Variants in PIEZO1 observed in about 807,000 individuals in gnomAD.
The protein encoded by PIEZO1 is piezo-type mechanosensitive ion channel component 1.
In PIEZO1, 296 loss-of-function variants were observed where a neutral mutation model predicts 297.2. The ratio of observed to expected loss-of-function variants is 1.00; its 90% confidence interval spans 0.91 to 1.10. PIEZO1 has a LOEUF of 1.10. Among genes scored for constraint, PIEZO1 ranks in the 50% least tolerant of loss-of-function variants. The probability of loss-of-function intolerance (pLI) is 0.00; values close to 1 mark genes in which losing one functional copy is unlikely to be tolerated. For synonymous variants in PIEZO1, 2,427 were observed against 1,507.5 expected, an observed-to-expected ratio of 1.61 and a Z score of -14.13; for missense variants, 5,018 against 3,455.5, an observed-to-expected ratio of 1.45 and a Z score of -11.34.
At chr16:88,750,959 G>A (rs1906360372) in intron 1 of PIEZO1, among the ~76,000 whole-genome samples, 1 of 152,088 alleles carries the variant, frequency 6.6e-6, no homozygotes, top group Non-Finnish European at 1.5e-5. Flanking sequence ...GAGACCCCTG[G>A]CTGCTGCTCC....
chr16:88,721,785 C>T, intron 37 of PIEZO1, 23 bp downstream of exon 37: 3 of 1,537,978 alleles, frequency 2.0e-6, no homozygotes, highest in South Asian at 1.2e-5. Context: ...CCGGGCGCCC[C>T]CTCCCCCGCG....
At chr16:88,724,230 G>C (rs185251142) in intron 30 of PIEZO1, among the ~76,000 whole-genome samples, 67 of 152,328 alleles carry the variant, frequency 4.4e-4, no homozygotes, top group South Asian at 1.0e-3. Context: ...GGCTGTGTGA[G>C]AGTTAGAAAA....
Position 88,736,339 on chromosome 16 carries a change from C to T in PIEZO1, c.1366G>A (p.Val456Met). The T allele has an allele frequency of 6.5e-7, 1 of 1,550,166 alleles. No homozygotes were observed. Among genetic ancestry groups the T allele is most frequent in the Non-Finnish European group, 8.7e-7 (1 of 1,146,862 alleles). The change falls in exon 12 of 51, where the codon GTG becomes ATG. Residue 456 changes from valine (V) to methionine (M), a missense_variant. Physicochemically the swap from Val to Met is conservative, Grantham distance 21. Coordinates refer to ENST00000301015, the MANE Select transcript of PIEZO1 (RefSeq NM_001142864.4). ...ATGGCCAGTTGGTGGCGGCTGCGCA[C>T]CGTCCAGATGAGGCAGGCCCAGAGC... is the stretch of plus-strand genomic sequence containing the variant. ...LLLWACLIWT[V>M]RSRHQLAMLC...
At chr16:88,716,521 T>C (rs1912046197) in intron 47 of PIEZO1, 38 bp from the exon 48 acceptor site, 1 of 1,537,390 alleles carries the variant, frequency 6.5e-7, no homozygotes, top group Non-Finnish European at 8.8e-7. Context: ...CTGTAGTGGG[T>C]CCACCCACCC....
rs1905102320 is a variant in PIEZO1 at position 88,734,909 on chromosome 16, A to G, written c.1814T>C (p.Met605Thr). 8 of 1,550,270 alleles carry G rather than the reference A, an allele frequency of 5.2e-6. No homozygotes were observed. The highest frequency in any genetic ancestry group is 5.2e-6 in the Non-Finnish European group (6 of 1,146,962). Reference protein sequence around the residue: ...GRLVVYKIVYMFLFLLCLTLF... With the variant: ...GRLVVYKIVYTFLFLLCLTLF... ...GGTGAGGCAGAGCAGGAAGAGGAAC[A>G]TGTAGACAATCTTGTAGACCACGAG... The change falls in exon 14 of 51, where the codon ATG (methionine) becomes ACG (threonine). Residue 605 changes from methionine (M) to threonine (T), a missense_variant. Transcript: ENST00000301015.
At chr16:88,751,060 A>G (rs1906364438) in intron 1 of PIEZO1, among the ~76,000 whole-genome samples, 1 of 151,950 alleles carries the variant, frequency 6.6e-6, no homozygotes, top group African/African-American at 2.4e-5. Context: ...GCGTGCCACC[A>G]TCTGCCCCAT....
Position 88,725,598 on chromosome 16 carries a change from C to T in PIEZO1, c.4055G>A (p.Arg1352Lys). 6.5e-7 allele frequency: 1 copy of T among 1,547,708 alleles called. No homozygotes were observed. The highest frequency in any genetic ancestry group is 1.4e-5 in the African/African-American group (1 of 73,098). The change falls in exon 28 of 51, where the codon AGA (arginine) becomes AAA (lysine). Residue 1352 changes from arginine to lysine, a missense_variant. Coordinates refer to ENST00000301015, the MANE Select transcript of PIEZO1 (RefSeq NM_001142864.4). The stretch of plus-strand genomic sequence containing the variant: ...TCCCCGCCCCAGAGGCACCTACTGT[C>T]TTTTCAGCTGGGCCAGGGACTTCTC... ...IEEKSLAQLK[R>K]QMERIRAKQE...
Position 88,733,761 on chromosome 16 carries a change from G to T in PIEZO1, c.2330-16C>A, listed in dbSNP as rs9940889. 5.2e-6 allele frequency: 8 copies of T among 1,528,670 alleles called. No homozygotes were observed. The highest frequency in any genetic ancestry group is 5.3e-6 in the Non-Finnish European group (6 of 1,134,914). The allele number at this position is 1,528,670 out of a possible 1,614,324, so 94.7% of individuals were successfully genotyped here. On this transcript the variant is annotated splice_polypyrimidine_tract_variant and intron_variant, in intron 17 of 50. Coordinates refer to ENST00000301015, the MANE Select transcript of PIEZO1 (RefSeq NM_001142864.4). ...TTGGCTGCCCCTGTGATGGTGTGAG[G>T]GTCAGTGCGGGGCACAAACGGGGAT...
At chr16:88,717,669 T>C (rs1279480851) in intron 44 of PIEZO1, 4 of 442,744 alleles carry the variant, frequency 9.0e-6, no homozygotes, top group Non-Finnish European at 1.8e-5. Flanking sequence ...ATAAATACTT[T>C]GTGCTTCCAA....
intron 2 of PIEZO1, 59 bp downstream of exon 2, chr16:88,749,325 C>T: frequency 8.5e-7 from 1 of 1,174,642 alleles, no homozygotes; most frequent in Non-Finnish European, 1.2e-6. Context: ...AATTTTGGCC[C>T]CAAACGAATG....
rs768892966 is a variant in PIEZO1, at chr16:88,737,583, G to A, written c.1171C>T (p.Gln391Ter). The change falls in exon 10 of 51, where the codon CAG (glutamine) becomes TAG (stop). Residue 391 changes from glutamine to a stop codon, truncating the protein, a stop_gained. Coordinates refer to ENST00000301015, the MANE Select transcript of PIEZO1 (RefSeq NM_001142864.4). LOFTEE classifies it high-confidence loss of function. ...DNCIVHELTG[Q>*]SSVLRRPVRP... ...CCAGGCCGCCGCAGGACGGAGCTCT[G>A]GCCGGTCAGCTCGTGCACGATGCAG... 1 of 1,534,280 alleles carries A rather than the reference G, an allele frequency of 6.5e-7. No homozygotes were observed. The highest frequency in any genetic ancestry group is 1.2e-5 in the South Asian group (1 of 84,008).
In PIEZO1 at chr16:88,726,649, G is replaced by A. The variant is rs1481090120; in HGVS notation, c.3700-6C>T. The A allele has an allele frequency of 2.6e-6, 4 of 1,547,736 alleles. No individual in the cohort carries two copies. The highest frequency in any genetic ancestry group is 1.7e-4 in the Middle Eastern group (1 of 5,888). On this transcript the variant is annotated splice_polypyrimidine_tract_variant and splice_region_variant and intron_variant, in intron 25 of 50. Transcript: ENST00000301015. Reference sequence around the variant, plus strand: ...ACGAAGACGCAGGCCAGGAGCTGGGGGAGAGCAGGGTCAGCGGGGCCAGCG... The same window carrying A: ...ACGAAGACGCAGGCCAGGAGCTGGGAGAGAGCAGGGTCAGCGGGGCCAGCG...
rs1311897219 is a variant in PIEZO1, at chr16:88,717,229, A to G, written c.6472-18T>C. On this transcript the variant is annotated intron_variant, in intron 44 of 50. Coordinates refer to ENST00000301015, the MANE Select transcript of PIEZO1 (RefSeq NM_001142864.4). ...GGGTATTTCTGGAGGGGAACGACAC[A>G]GGTCATACGCTCAGCTCTGCCCTTC... 2.6e-6 allele frequency: 4 copies of G among 1,543,482 alleles called. No individual in the cohort carries two copies. The highest frequency in any genetic ancestry group is 8.7e-7 in the Non-Finnish European group (1 of 1,145,380).
Position 88,732,469 on chromosome 16 carries a change from G to A in PIEZO1, c.2857C>T (p.Arg953Cys), listed in dbSNP as rs774602954. 6.8e-5 allele frequency: 106 copies of A among 1,549,372 alleles called. No individual in the cohort carries two copies. Among genetic ancestry groups the A allele is most frequent in the East Asian group, 3.2e-4 (13 of 40,910 alleles). Residue 953 changes from arginine (R) to cysteine (C), a missense_variant, in exon 21 of 51, where the codon CGC becomes TGC. Physicochemically the swap from Arg to Cys is radical, Grantham distance 180. Coordinates refer to ENST00000301015, the MANE Select transcript of PIEZO1 (RefSeq NM_001142864.4). The part of the protein sequence containing the change: ...AIVYRRQEHY[R>C]RQHQLAPLPA... ...AGCGGGGCCAGCTGGTGCTGCCGGCGGTAGTGCTCCTGGCGCCGGTACACG... is the reference window on the plus strand; with the variant it reads ...AGCGGGGCCAGCTGGTGCTGCCGGCAGTAGTGCTCCTGGCGCCGGTACACG...
intron 29 of PIEZO1, among the ~76,000 whole-genome samples, 155 bp from the exon 30 acceptor site, chr16:88,725,235 G>A (rs1438218186): frequency 6.6e-6 from 1 of 152,196 alleles, no homozygotes; most frequent in Non-Finnish European, 1.5e-5. Context: ...CAGAGCCCAT[G>A]TGCGTGGACG....
At chr16:88,734,163 G>T (rs961476596) in intron 16 of PIEZO1, 109 bp from the exon 17 acceptor site, 2 of 1,358,416 alleles carry the variant, frequency 1.5e-6, no homozygotes, top group African/African-American at 1.5e-5. Context: ...GCCAGTTCAG[G>T]TGCACAGCTG....
chr16:88,719,834 C>T lies in PIEZO1; in HGVS notation c.6291G>A (p.Lys2097=). 2 of 1,550,592 alleles carry T rather than the reference C, an allele frequency of 1.3e-6. No homozygotes were observed. The highest frequency in any genetic ancestry group is 1.7e-6 in the Non-Finnish European group (2 of 1,146,952). ...AGAGGAAGAGGTTGAGATGATTGTA[C>T]TTCTTGGTGAGGAAGTTGCCGAGGA... ...TRILGNFLTK[K]YNHLNLFLFQ... The change falls in exon 43 of 51, where the codon AAG becomes AAA. Residue 2097 remains lysine, a synonymous_variant. Transcript: ENST00000301015.
intron 1 of PIEZO1, among the ~76,000 whole-genome samples, chr16:88,778,715 G>A (rs901013749): frequency 6.6e-6 from 1 of 152,200 alleles, no homozygotes; most frequent in Non-Finnish European, 1.5e-5. Flanking sequence ...GCAACCCAGC[G>A]TCCACCGTGG....
Position 88,721,655 on chromosome 16 carries a change from G to T in PIEZO1, c.5286C>A (p.Arg1762=). The T allele has an allele frequency of 6.5e-7, 1 of 1,550,124 alleles. No individual in the cohort carries two copies. Among genetic ancestry groups the T allele is most frequent in the South Asian group, 1.2e-5 (1 of 84,064 alleles). Reference sequence around the variant, plus strand: ...GCGGGAAGTAGGGCTTGTTCTCGTAGCGCCGCAGCACCACGTGGCTGTTCC... The same window carrying T: ...GCGGGAAGTAGGGCTTGTTCTCGTATCGCCGCAGCACCACGTGGCTGTTCC... ...FPWNSHVVLR[R]YENKPYFPPR... The change falls in exon 38 of 51, where the codon CGC becomes CGA. Residue 1762 remains arginine (R), a synonymous_variant. Coordinates refer to ENST00000301015, the MANE Select transcript of PIEZO1 (RefSeq NM_001142864.4).
Sources: gnomAD v4.1 joint callset for allele counts (sites outside exome capture counted in the v4.1 genomes callset) on GRCh38, gnomAD v4.1.1 for gene constraint, MANE v1.5 for transcripts, NCBI Gene and HGNC (gene_info 2026-07-23, HGNC 2026-07-21) for gene names.